The following MGAM variants were observed in gnomAD, a reference collection of about 807,000 sequenced individuals.
MGAM encodes the protein maltase-glucoamylase.
MGAM carries 253 observed loss-of-function variants against 358.8 expected under a neutral mutation model. The observed-to-expected ratio is 0.71, with a 90% CI of 0.64 to 0.78. The LOEUF is 0.78. Ranked by LOEUF, MGAM falls within the 30% of genes least tolerant of loss-of-function variation. The pLI, the probability that MGAM is intolerant of heterozygous loss-of-function variation, is 0.00. For synonymous variants in MGAM, 1,105 were observed against 1,227.1 expected, an observed-to-expected ratio of 0.90 and a Z score of 2.08; for missense variants, 3,080 against 3,432.6, an observed-to-expected ratio of 0.90 and a Z score of 2.57.
intron 47 of MGAM, 65 bp downstream of exon 47, chr7:142,076,891 T>C: frequency 1.3e-6 from 2 of 1,487,858 alleles, no homozygotes; most frequent in Non-Finnish European, 1.9e-6. Context: ...TGTTTCTTCT[T>C]GCCAAGTTTG....
intron 21 of MGAM, among the ~76,000 whole-genome samples, chr7:142,045,043 A>G (rs543531413): frequency 3.0e-5 from 3 of 101,328 alleles, no homozygotes; most frequent in African/African-American, 7.0e-5. Context: ...CGTGTAATAT[A>G]TGATATATAA....
chr7:142,017,766 T>C (rs889972224), intron 3 of MGAM, among the ~76,000 whole-genome samples: 5 of 152,174 alleles, frequency 3.3e-5, no homozygotes, highest in African/African-American at 1.2e-4. Flanking sequence ...TGGCTATTAG[T>C]GTAAAAAATA....
rs191961245 is a variant in MGAM, at chr7:142,083,191, T to C, written c.6269-110T>C. The C allele has an allele frequency of 2.2e-4, 185 of 837,568 alleles. 5 individuals are homozygous for C. In the African/African-American group the frequency reaches 2.5e-3, roughly 11 times the overall value. 51.9% of individuals were successfully genotyped at this position (837,568 alleles called of 1,614,324 possible). On this transcript the variant is annotated intron_variant, in intron 52 of 70. Coordinates refer to ENST00000475668, the MANE Select transcript of MGAM (RefSeq NM_001365693.1). Reference sequence around the variant, plus strand: ...TGATTATGATAGAAAATACTGGCTCTTACTACTCTACGATAGGGAGGGTGC... The same window carrying C: ...TGATTATGATAGAAAATACTGGCTCCTACTACTCTACGATAGGGAGGGTGC...
upstream of MGAM, among the ~76,000 whole-genome samples, chr7:141,993,131 A>G (rs190146166): frequency 2.6e-5 from 4 of 152,324 alleles, no homozygotes; most frequent in Non-Finnish European, 5.9e-5. Flanking sequence ...GATAAGAGAT[A>G]GTGATTTTTG....
rs563298275 is a variant in MGAM at position 142,074,032 on chromosome 7, T to C, written c.5187-53T>C. 7.9e-6 allele frequency: 10 copies of C among 1,260,938 alleles called. 1 individual carries two copies. In the East Asian group the frequency reaches 1.2e-4, roughly 15 times the overall value. 78.1% of individuals were successfully genotyped at this position (1,260,938 alleles called of 1,614,324 possible). A position where few individuals can be genotyped will look rare whatever the true frequency, so the allele number is the denominator to read the frequency against. The stretch of plus-strand genomic sequence containing the variant: ...TTTGATGGAAATATTCTCAGCCCAG[T>C]TGGCAAAATTGTCTGACTCCTGTCT... On this transcript the variant is annotated intron_variant, in intron 44 of 70. Transcript: ENST00000475668.
At position 142,031,682 on chromosome 7, in the gene MGAM, C is replaced by G; in HGVS notation, c.1473C>G (p.Val491=). 1 of 1,604,224 alleles carries G rather than the reference C, an allele frequency of 6.2e-7. No individual in the cohort carries two copies. Among genetic ancestry groups the G allele is most frequent in the Non-Finnish European group, 8.5e-7 (1 of 1,172,160 alleles). The change falls in exon 13 of 71, where the codon GTC becomes GTG. Residue 491 remains valine, a splice_region_variant and synonymous_variant. Transcript: ENST00000475668. ...GTGTTTTTCTTTTTCTCCTGAAGGTCTGGCCTGGACAAACTGTGTTTCCTG... is the reference window on the plus strand; with the variant it reads ...GTGTTTTTCTTTTTCTCCTGAAGGTGTGGCCTGGACAAACTGTGTTTCCTG... ...SDGVTPLIGE[V]WPGQTVFPDY...
At chr7:141,995,734 G>A (rs1055664769), upstream of MGAM, 4 of 152,144 alleles carry the variant, frequency 2.6e-5, no homozygotes, top group African/African-American at 7.2e-5. Context: ...GCAAGACCAC[G>A]ATTACTAATT....
chr7:142,043,170 T>A lies in MGAM; in HGVS notation c.2498+2324T>A, dbSNP rs1215057688. On this transcript the variant is annotated intron_variant, in intron 21 of 70. Transcript: ENST00000475668. ...ATATCTAAATATAATATCTATATTA[T>A]ATATACATATAATATCTAAATATAA... 1.6e-3 allele frequency among the ~76,000 whole-genome samples: 19 copies of A among 11,924 alleles called. 1 individual carries two copies. Among genetic ancestry groups the A allele is most frequent in the African/African-American group, 8.2e-3 (16 of 1,952 alleles). 7.8% of individuals were successfully genotyped at this position (11,924 alleles called of 152,430 possible).
intron 34 of MGAM, among the ~76,000 whole-genome samples, chr7:142,060,945 T>C (rs1330478307): frequency 1.3e-5 from 2 of 150,088 alleles, no homozygotes; most frequent in Non-Finnish European, 2.9e-5. Context: ...TTGTAAAACT[T>C]GCTCTCTCCT....
In MGAM at chr7:142,050,848, A is replaced by G. The variant is rs1203045133; in HGVS notation, c.2789A>G (p.Tyr930Cys). The G allele has an allele frequency of 6.2e-6, 10 of 1,613,596 alleles. No homozygotes were observed. Among genetic ancestry groups the G allele is most frequent in the Non-Finnish European group, 7.6e-6 (9 of 1,179,652 alleles). Residue 930 changes from tyrosine to cysteine, a missense_variant, in exon 24 of 71, where the codon TAT becomes TGT. Physicochemically the swap from Tyr to Cys is radical, Grantham distance 194. Coordinates refer to ENST00000475668, the MANE Select transcript of MGAM (RefSeq NM_001365693.1). ...VPSQTSPTVT[Y>C]DSNLKVAIIT... ...AGTCAGACTTCTCCTACAGTCACTT[A>G]TGATTCTAACCTGAAGGTAAAAACC...
chr7:141,996,156 C>T (rs563266823), intron 1 of MGAM, among the ~76,000 whole-genome samples: 4 of 151,910 alleles, frequency 2.6e-5, no homozygotes, highest in African/African-American at 7.2e-5. Context: ...AAAAATTAGC[C>T]GGGCATGGTG....
intron 34 of MGAM, among the ~76,000 whole-genome samples, chr7:142,060,847 T>C (rs1042505372): frequency 6.6e-6 from 1 of 152,120 alleles, no homozygotes; most frequent in African/African-American, 2.4e-5. Context: ...AACAGGTGTC[T>C]CCATCTTCAT....
Position 142,103,272 on chromosome 7 carries a change from A to G in MGAM, c.8017A>G (p.Thr2673Ala), listed in dbSNP as rs569263215. 1.3e-6 allele frequency: 2 copies of G among 1,591,538 alleles called. No individual in the cohort carries two copies. The highest frequency in any genetic ancestry group is 4.5e-5 in the East Asian group (2 of 44,590). The change falls in exon 70 of 71, where the codon ACG (threonine) becomes GCG (alanine). Residue 2673 changes from threonine to alanine, a missense_variant. Around this residue, in one of 5 missense-constraint regions of MGAM, gnomAD observed 194 missense variants for 172.8 expected, o/e 1.12. Transcript: ENST00000475668. ...YLASFSASQN[T>A]MQSHIIFNNY... ...TCTTTTATCTCCAATTCAACAGAAT[A>G]CGATGCAAAGCCATATAATTTTCAA... is the stretch of plus-strand genomic sequence containing the variant.
At chr7:142,019,770 C>G (rs1372464823) in intron 4 of MGAM, among the ~76,000 whole-genome samples, 1 of 152,128 alleles carries the variant, frequency 6.6e-6, no homozygotes, top group African/African-American at 2.4e-5. Flanking sequence ...TCCTCCTACT[C>G]TAAAATGCAA....
intron 21 of MGAM, among the ~76,000 whole-genome samples, chr7:142,046,886 A>G (rs1409034855): frequency 1.3e-5 from 2 of 151,986 alleles, no homozygotes; most frequent in African/African-American, 4.8e-5. Flanking sequence ...ATTTTTTCCT[A>G]TAATATTTAA....
In MGAM at chr7:142,090,375, T is replaced by C. The variant is rs1332797246; in HGVS notation, c.6811-1538T>C. Among the ~76,000 whole-genome samples, 2 of 145,510 alleles carry C rather than the reference T, an allele frequency of 1.4e-5. 1 individual carries two copies. The highest frequency in any genetic ancestry group is 3.1e-5 in the Non-Finnish European group (2 of 64,248). ...TCCATCCCCCACCCATCCCGTCGTT[T>C]CTAACCCTTCCTGATCTGGAGCTCT... On this transcript the variant is annotated intron_variant, in intron 57 of 70. Transcript: ENST00000475668.
At position 142,076,282 on chromosome 7, in the gene MGAM, TG is replaced by T. The variant is rs755743817; in HGVS notation, c.5325+31del. On this transcript the variant is annotated intron_variant, in intron 46 of 70. Transcript: ENST00000475668. ...GTAGCATATTTTTATGAATCTTAGG[TG>T]TGGGCTTTGGACTGACCATTAGCAC... 39 of 1,493,346 alleles carry T rather than the reference TG, an allele frequency of 2.6e-5. 3 individuals are homozygous for T. In the African/African-American group the frequency reaches 3.8e-4, roughly 14 times the overall value. 92.5% of individuals were successfully genotyped at this position (1,493,346 alleles called of 1,614,324 possible).
Position 142,038,082 on chromosome 7 carries a change from G to A in MGAM, c.2232-449G>A, listed in dbSNP as rs74735776. Among the ~76,000 whole-genome samples, 826 of 151,728 alleles carry A rather than the reference G, an allele frequency of 5.4e-3. 4 individuals carry two copies. The highest frequency in any genetic ancestry group is 9.1e-3 in the Non-Finnish European group (616 of 67,924). On this transcript the variant is annotated intron_variant, in intron 18 of 70. Transcript: ENST00000475668. ...CTACCCTTCCCAGCCTCTGGTAACC[G>A]TCCTTCTACTCTCTGTGTCCATAAG... is the stretch of plus-strand genomic sequence containing the variant.
chr7:142,067,960 AT>A (rs1563191116), intron 42 of MGAM, among the ~76,000 whole-genome samples: 664 of 40,074 alleles, frequency 0.017, 34 homozygotes, highest in African/African-American at 0.046. Flanking sequence ...ATATATATAT[AT>A]ATAAATATAT....
Sources: gnomAD v4.1 joint callset for allele counts (sites outside exome capture counted in the v4.1 genomes callset) on GRCh38, gnomAD v4.1.1 for gene constraint, gnomAD v4.1.1 regional missense constraint, MANE v1.5 for transcripts, NCBI Gene and HGNC (gene_info 2026-07-23, HGNC 2026-07-21) for gene names.